ATP4B: variants seen among roughly 807,000 people sequenced by gnomAD.
The protein encoded by ATP4B is ATPase H+/K+ transporting subunit beta.
ATP4B carries 27 observed loss-of-function variants against 35.3 expected under a neutral mutation model. The ratio of observed to expected loss-of-function variants is 0.76; its 90% CI spans 0.56 to 1.05. The LOEUF is 1.05. ATP4B is among the 50% of genes least tolerant of loss of function. The pLI, the probability that ATP4B is intolerant of heterozygous loss-of-function variation, is 0.00. For missense variants in ATP4B, 375 were observed against 384.8 expected, an observed-to-expected ratio of 0.97 and a Z score of 0.21; for synonymous variants, 162 against 156.0, an observed-to-expected ratio of 1.04 and a Z score of -0.29.
At chr13:113,652,603 C>T in intron 4 of ATP4B, 2 of 521,916 alleles carry the variant, frequency 3.8e-6, no homozygotes, top group Non-Finnish European at 7.1e-6. Flanking sequence ...TGAAGGGGGC[C>T]CTGGCCTTGC....
intron 3 of ATP4B, 52 bp downstream of exon 3, chr13:113,653,269 C>T (rs538630381): frequency 6.4e-7 from 1 of 1,564,552 alleles, no homozygotes; most frequent in Admixed American, 1.7e-5. Context: ...CCCGCCGCTT[C>T]ACACCTCACC....
intron 1 of ATP4B, among the ~76,000 whole-genome samples, chr13:113,657,375 T>C (rs1393470730): frequency 1.3e-5 from 2 of 152,174 alleles, no homozygotes; most frequent in African/African-American, 4.8e-5. Flanking sequence ...GGTGAGGGCG[T>C]TTCCCGGAAC....
In ATP4B at chr13:113,658,152, G is replaced by A. The variant is rs908743511; in HGVS notation, c.-8C>T. 1.9e-6 allele frequency: 3 copies of A among 1,609,830 alleles called. No individual in the cohort carries two copies. The highest frequency in any genetic ancestry group is 2.5e-6 in the Non-Finnish European group (3 of 1,178,294). The stretch of plus-strand genomic sequence containing the variant: ...CTCCTGCAGAGCCGCCATCGTCCCT[G>A]GCCTGAGATCCTCCCGTCTGCTCCC... On this transcript the variant is annotated 5_prime_UTR_variant, in exon 1 of 7. Coordinates refer to ENST00000335288, the MANE Select transcript of ATP4B (RefSeq NM_000705.4).
intron 4 of ATP4B, 101 bp from the exon 5 acceptor site, chr13:113,651,828 G>T: frequency 5.6e-6 from 8 of 1,420,314 alleles, no homozygotes; most frequent in Non-Finnish European, 7.6e-6. Flanking sequence ...GCCCCAGCCT[G>T]GGCTTTCTGA....
chr13:113,653,966 G>A (rs1352970049), intron 2 of ATP4B, among the ~76,000 whole-genome samples: 2 of 152,204 alleles, frequency 1.3e-5, no homozygotes, highest in South Asian at 2.1e-4. Flanking sequence ...ATGCAGAAAC[G>A]TGTGTTTACT....
chr13:113,656,225 C>T (rs2049753365), intron 1 of ATP4B, among the ~76,000 whole-genome samples: 1 of 152,180 alleles, frequency 6.6e-6, no homozygotes, highest in African/African-American at 2.4e-5. Flanking sequence ...GTCCCCAGGT[C>T]ACTCCTGATG....
intron 2 of ATP4B, 124 bp downstream of exon 2, chr13:113,654,690 T>C: frequency 7.0e-7 from 1 of 1,431,772 alleles, no homozygotes; most frequent in Admixed American, 2.5e-5. Flanking sequence ...ACCCTGGGGC[T>C]GCCGGGCTGG....
At chr13:113,654,241 A>G (rs182171257) in intron 2 of ATP4B, among the ~76,000 whole-genome samples, 24 of 152,340 alleles carry the variant, frequency 1.6e-4, no homozygotes, top group Admixed American at 1.5e-3. Context: ...GTTTAAAATA[A>G]AAACCTTCAG....
Position 113,649,248 on chromosome 13 carries a change from C to T in ATP4B, c.*126G>A. On this transcript the variant is annotated 3_prime_UTR_variant, in exon 7 of 7. Transcript: ENST00000335288. This position sits in a 1 kb window ranked among gnomAD's most constrained non-coding sequence, Gnocchi z 4.7. ...CGCTTCTCTGGAGTTCGCACACTGACAACACCGTTGCTCCAAACCACTTTG... is the reference window on the plus strand; with the variant it reads ...CGCTTCTCTGGAGTTCGCACACTGATAACACCGTTGCTCCAAACCACTTTG... 2 of 1,201,994 alleles carry T rather than the reference C, an allele frequency of 1.7e-6. No individual in the cohort carries two copies. Among genetic ancestry groups the T allele is most frequent in the Non-Finnish European group, 2.3e-6 (2 of 876,688 alleles). 74.5% of individuals were successfully genotyped at this position (1,201,994 alleles called of 1,614,324 possible).
At chr13:113,656,800 G>A (rs1239517919) in intron 1 of ATP4B, among the ~76,000 whole-genome samples, 3 of 152,112 alleles carry the variant, frequency 2.0e-5, no homozygotes, top group Non-Finnish European at 4.4e-5. Context: ...GGTTCTCTGT[G>A]GCCCTGCAGC....
chr13:113,652,869 T>G lies in ATP4B; in HGVS notation c.555+4A>C. On this transcript the variant is annotated splice_donor_region_variant and intron_variant, in intron 4 of 6. Transcript: ENST00000335288. ...GGCGTGTGAAGGAGACCCTCAGTAC[T>G]CACCCTGTTCATTTTAATAATAAAA... is the stretch of plus-strand genomic sequence containing the variant. The G allele has an allele frequency of 6.2e-7, 1 of 1,614,026 alleles. No homozygotes were observed. The highest frequency in any genetic ancestry group is 1.6e-4 in the Middle Eastern group (1 of 6,062).
In ATP4B at chr13:113,650,276, TC is replaced by T. The variant is rs996569283; in HGVS notation, c.714+129del. On this transcript the variant is annotated intron_variant, in intron 6 of 6. Transcript: ENST00000335288. This position sits in a 1 kb window ranked among gnomAD's most constrained non-coding sequence, Gnocchi z 5.0. ...TGGGCTTGGGAAACACGCAGAACGT[TC>T]CAGTCAGGACCGGCTAAGTCACACC... 1.7e-4 allele frequency: 146 copies of T among 837,824 alleles called. 1 individual carries two copies. In the African/African-American group the frequency reaches 2.3e-3, roughly 13 times the overall value. The allele number at this position is 837,824 out of a possible 1,614,324, so 51.9% of individuals were successfully genotyped here.
In ATP4B at chr13:113,649,492, A is replaced by C. The variant is rs1429337570; in HGVS notation, c.758T>G (p.Ile253Ser). The change falls in exon 7 of 7, where the codon ATC (isoleucine) becomes AGC (serine). Residue 253 changes from isoleucine to serine, a missense_variant. Physicochemically the swap from Ile to Ser is moderately radical, Grantham distance 142. Transcript: ENST00000335288. This position sits in a 1 kb window ranked among gnomAD's most constrained non-coding sequence, Gnocchi z 4.7. ...GATGGCGACCTCAGCGTTCCTGGGGATGTTGAGGAGCTTCGCTGCCACCAG... is the reference window on the plus strand; with the variant it reads ...GATGGCGACCTCAGCGTTCCTGGGGCTGTTGAGGAGCTTCGCTGCCACCAG... ...NPLVAAKLLN[I>S]PRNAEVAIVC... 2.6e-6 allele frequency: 4 copies of C among 1,551,170 alleles called. No homozygotes were observed. The highest frequency in any genetic ancestry group is 2.6e-6 in the Non-Finnish European group (3 of 1,144,836).
intron 1 of ATP4B, among the ~76,000 whole-genome samples, chr13:113,657,537 G>T (rs759298668): frequency 2.0e-5 from 3 of 152,208 alleles, no homozygotes; most frequent in Non-Finnish European, 4.4e-5. Context: ...CTCGCACAAG[G>T]CGCAGGTGCT....
In ATP4B at chr13:113,650,398, G is replaced by T; in HGVS notation, c.714+8C>A. On this transcript the variant is annotated splice_region_variant and intron_variant, in intron 6 of 6. Transcript: ENST00000335288. The surrounding 1 kb of genome is among the most constrained non-coding windows in gnomAD (Gnocchi z 5.0). ...GTGGTGAGGGAAGCGTGGAAGGAAG[G>T]AACCTACCTGGGCTTTCTTCCCGTA... 6.2e-7 allele frequency: 1 copy of T among 1,612,926 alleles called. No individual in the cohort carries two copies.
At chr13:113,653,226 A>C (rs1440872600) in intron 3 of ATP4B, 95 bp downstream of exon 3, 7 of 1,335,122 alleles carry the variant, frequency 5.2e-6, no homozygotes, top group Non-Finnish European at 2.1e-6. Context: ...GCTGCTTCAC[A>C]CCTCACCCAC....
At chr13:113,656,453 C>T (rs535126570) in intron 1 of ATP4B, among the ~76,000 whole-genome samples, 90 of 152,290 alleles carry the variant, frequency 5.9e-4, no homozygotes, top group African/African-American at 1.6e-3. Context: ...GGTAGGAGCC[C>T]GAGGTTGGCC....
intron 4 of ATP4B, among the ~76,000 whole-genome samples, chr13:113,652,247 C>T (rs1218393187): frequency 6.6e-6 from 1 of 152,376 alleles, no homozygotes; most frequent in South Asian, 2.1e-4. Context: ...TGCTGGGACC[C>T]CCGTCACAGC....
At chr13:113,657,416 G>A (rs766005560) in intron 1 of ATP4B, among the ~76,000 whole-genome samples, 4 of 152,220 alleles carry the variant, frequency 2.6e-5, no homozygotes, top group African/African-American at 9.7e-5. Flanking sequence ...AGACGCAGAC[G>A]CTTCCACCAC....
Sources: allele counts gnomAD v4.1 joint callset (sites outside exome capture counted in the v4.1 genomes callset), GRCh38; gene constraint gnomAD v4.1.1; non-coding constraint Gnocchi (gnomAD v3.1); transcripts MANE v1.5; gene names NCBI Gene and HGNC (gene_info 2026-07-23, HGNC 2026-07-21).